Variants in SGCZ observed in about 807,000 individuals in gnomAD.
The protein encoded by SGCZ is sarcoglycan zeta.
SGCZ carries 40 observed loss-of-function variants against 41.3 expected under a neutral mutation model. The ratio of observed to expected loss-of-function variants is 0.97; its 90% CI spans 0.75 to 1.26. The LOEUF (loss-of-function observed/expected upper bound fraction) is 1.26, where lower values mean the gene tolerates loss of function less well. SGCZ is among the 50% of genes most tolerant of loss of function. SGCZ has a pLI of 0.00. For missense variants in SGCZ, 552 were observed against 369.8 expected (o/e 1.49, Z -4.04); for synonymous variants, 206 against 137.5 (o/e 1.50, Z -3.49).
At chr8:14,532,131 G>A (rs1461854) in intron 2 of SGCZ, among the ~76,000 whole-genome samples, 42,590 of 151,934 alleles carry the variant, frequency 0.28, 6,139 homozygotes, top group Middle Eastern at 0.48. Context: ...ATACCAGAAT[G>A]GCATTTTATG....
chr8:14,576,050 A>C (rs1297146141), intron 1 of SGCZ, among the ~76,000 whole-genome samples: 1 of 152,182 alleles, frequency 6.6e-6, no homozygotes, highest in Non-Finnish European at 1.5e-5. Flanking sequence ...TCCTCACATG[A>C]ATCTATACGC....
At chr8:14,200,342 A>G (rs1805413615) in intron 4 of SGCZ, among the ~76,000 whole-genome samples, 1 of 152,200 alleles carries the variant, frequency 6.6e-6, no homozygotes, top group Non-Finnish European at 1.5e-5. Flanking sequence ...AAATTTTTGT[A>G]GAGATTGAAA....
At chr8:14,447,311 GT>G (rs560957725) in intron 2 of SGCZ, among the ~76,000 whole-genome samples, 1 of 152,024 alleles carries the variant, frequency 6.6e-6, no homozygotes, top group Non-Finnish European at 1.5e-5. Flanking sequence ...TTTAATGCAT[GT>G]TTTTTTATTT....
chr8:14,835,296 G>A (rs928187305), intron 1 of SGCZ, among the ~76,000 whole-genome samples: 1 of 152,056 alleles, frequency 6.6e-6, no homozygotes, highest in South Asian at 2.1e-4. Flanking sequence ...ATTATACTAG[G>A]ATTCCAAATA....
At position 14,273,464 on chromosome 8, in the gene SGCZ, T is replaced by C. The variant is rs1340117377; in HGVS notation, c.337-35785A>G. ...GGACAAACAATTCAACTCCTCACAC[T>C]CTCCCTAAACTTGCAAATGAAGTAG... is the stretch of plus-strand genomic sequence containing the variant. On this transcript the variant is annotated intron_variant, in intron 3 of 7. Coordinates refer to ENST00000382080, the MANE Select transcript of SGCZ (RefSeq NM_139167.4). Among the ~76,000 whole-genome samples, 5 of 152,086 alleles carry C rather than the reference T, an allele frequency of 3.3e-5. No homozygotes were observed. The South Asian group carries it at 1.0e-3, about 31-fold the overall frequency.
chr8:14,638,674 T>C (rs929283074), intron 1 of SGCZ, among the ~76,000 whole-genome samples: 2 of 151,802 alleles, frequency 1.3e-5, no homozygotes, highest in African/African-American at 4.8e-5. Flanking sequence ...CCTGAGGCTC[T>C]GCTCAGTTGT....
intron 1 of SGCZ, among the ~76,000 whole-genome samples, chr8:15,069,164 A>T (rs1248976907): frequency 1.3e-5 from 2 of 152,124 alleles, no homozygotes; most frequent in African/African-American, 2.4e-5. Context: ...ATTTATGACA[A>T]TACAGAGGTT....
At chr8:14,308,151 G>T (rs1801407488) in intron 3 of SGCZ, among the ~76,000 whole-genome samples, 1 of 152,120 alleles carries the variant, frequency 6.6e-6, no homozygotes. Context: ...TTTCTTCAAA[G>T]GAGATTTCAA....
At chr8:15,045,591 T>C (rs1042838823) in intron 1 of SGCZ, among the ~76,000 whole-genome samples, 4 of 152,078 alleles carry the variant, frequency 2.6e-5, no homozygotes, top group Non-Finnish European at 5.9e-5. Context: ...TCAGTTTATC[T>C]CTTATTATTT....
chr8:14,853,325 C>A (rs550491239), intron 1 of SGCZ: 110 of 309,764 alleles, frequency 3.6e-4, no homozygotes, highest in African/African-American at 2.1e-3. Flanking sequence ...AAACATGGCA[C>A]TTTTCATCTC....
intron 4 of SGCZ, among the ~76,000 whole-genome samples, chr8:14,168,288 A>G (rs1804268570): frequency 6.6e-6 from 1 of 151,220 alleles, no homozygotes; most frequent in African/African-American, 2.5e-5. Context: ...ACAACAAACT[A>G]AGTTTAAAAC....
At chr8:14,572,213 G>GC (rs1563123608) in intron 1 of SGCZ, among the ~76,000 whole-genome samples, 1 of 152,014 alleles carries the variant, frequency 6.6e-6, no homozygotes, top group African/African-American at 2.4e-5. Flanking sequence ...TTAATGCCAA[G>GC]CTTATCTTTT....
chr8:14,091,189 G>C (rs1801679057), intron 7 of SGCZ, among the ~76,000 whole-genome samples: 1 of 151,508 alleles, frequency 6.6e-6, no homozygotes, highest in South Asian at 2.1e-4. Context: ...TGGCTGCATA[G>C]TATTCCATGG....
chr8:14,337,068 G>A (rs553869924), intron 2 of SGCZ, among the ~76,000 whole-genome samples: 23 of 152,248 alleles, frequency 1.5e-4, no homozygotes, highest in African/African-American at 5.5e-4. Flanking sequence ...AGTATTCTCT[G>A]TCTGTAAGCC....
At chr8:14,532,264 C>T (rs1295269805) in intron 2 of SGCZ, among the ~76,000 whole-genome samples, 1 of 151,830 alleles carries the variant, frequency 6.6e-6, no homozygotes, top group Non-Finnish European at 1.5e-5. Context: ...ATTTCAATTG[C>T]AAGAATATAT....
chr8:14,820,797 AG>A (rs1284008368), intron 1 of SGCZ, among the ~76,000 whole-genome samples: 1 of 151,876 alleles, frequency 6.6e-6, no homozygotes, highest in African/African-American at 2.4e-5. Context: ...ACAAACAAAA[AG>A]GGAAACAACA....
chr8:14,813,197 C>A (rs573571838), intron 1 of SGCZ, among the ~76,000 whole-genome samples: 13 of 152,260 alleles, frequency 8.5e-5, no homozygotes, highest in African/African-American at 3.1e-4. Flanking sequence ...ATAAAATGAT[C>A]CTAATATGCT....
At chr8:14,567,280 G>A (rs1804401318) in intron 1 of SGCZ, among the ~76,000 whole-genome samples, 1 of 152,216 alleles carries the variant, frequency 6.6e-6, no homozygotes, top group South Asian at 2.1e-4. Context: ...GGGATCCACT[G>A]GGTGAAGCCA....
chr8:14,582,699 C>T (rs1312667580), intron 1 of SGCZ, among the ~76,000 whole-genome samples: 1 of 141,340 alleles, frequency 7.1e-6, no homozygotes, highest in East Asian at 2.2e-4. Flanking sequence ...TGATGTTCCC[C>T]TTCCTGTGTC....
Sources: allele counts gnomAD v4.1 joint callset (sites outside exome capture counted in the v4.1 genomes callset), GRCh38; gene constraint gnomAD v4.1.1; transcripts MANE v1.5; gene names NCBI Gene and HGNC (gene_info 2026-07-23, HGNC 2026-07-21).